PBX1: variants seen among roughly 807,000 people sequenced by gnomAD.
The protein encoded by PBX1 is pre-B-cell leukemia transcription factor 1.
PBX1 carries 6 observed loss-of-function variants against 53.4 expected under a neutral mutation model. The observed-to-expected ratio is 0.11, with a 90% CI of 0.06 to 0.22. The LOEUF is 0.22. PBX1 is among the 10% of genes least tolerant of loss of function. The pLI is 1.00. For synonymous variants in PBX1, 204 were observed against 212.3 expected, an observed-to-expected ratio of 0.96 and a Z score of 0.34; for missense variants, 251 against 551.4, an observed-to-expected ratio of 0.46 and a Z score of 5.46.
At chr1:164,732,876 A>G (rs1665073871) in intron 2 of PBX1, among the ~76,000 whole-genome samples, 1 of 150,938 alleles carries the variant, frequency 6.6e-6, no homozygotes, top group African/African-American at 2.4e-5. Flanking sequence ...TGTCGTCTGA[A>G]TTCTCAAAGA....
At chr1:164,612,229 A>G (rs1414461948) in intron 2 of PBX1, among the ~76,000 whole-genome samples, 1 of 152,050 alleles carries the variant, frequency 6.6e-6, no homozygotes, top group Non-Finnish European at 1.5e-5. Flanking sequence ...CAGCCAACCT[A>G]TCATTGTTGA....
At chr1:164,811,414 C>G (rs1008623590) in intron 5 of PBX1, among the ~76,000 whole-genome samples, 5 of 152,188 alleles carry the variant, frequency 3.3e-5, no homozygotes, top group African/African-American at 1.2e-4. Context: ...GTAGATAACA[C>G]TAAGCTTTAC....
intron 2 of PBX1, among the ~76,000 whole-genome samples, chr1:164,870,223 T>C (rs1160247465): frequency 6.6e-5 from 2 of 30,482 alleles, no homozygotes; most frequent in Non-Finnish European, 1.4e-4. Flanking sequence ...CTTTCTTTCC[T>C]TCCTTCCTTC....
intron 2 of PBX1, among the ~76,000 whole-genome samples, chr1:164,596,222 T>C: frequency 6.6e-6 from 1 of 152,120 alleles, no homozygotes; most frequent in Non-Finnish European, 1.5e-5. Context: ...TCAAGTGCAT[T>C]AGGGTCTCAC....
chr1:164,614,110 G>A (rs914001426), intron 2 of PBX1, among the ~76,000 whole-genome samples: 2 of 152,134 alleles, frequency 1.3e-5, no homozygotes, highest in African/African-American at 4.8e-5. Flanking sequence ...AGAATCACTC[G>A]GGAGGCAAAG....
intron 2 of PBX1, among the ~76,000 whole-genome samples, chr1:164,639,989 A>G (rs1170660117): frequency 6.6e-6 from 1 of 152,104 alleles, no homozygotes; most frequent in Non-Finnish European, 1.5e-5. Context: ...AAAAAAAGAA[A>G]TCCTATGGCC....
At chr1:164,580,217 C>T (rs1352905697) in intron 2 of PBX1, among the ~76,000 whole-genome samples, 2 of 152,154 alleles carry the variant, frequency 1.3e-5, no homozygotes, top group Non-Finnish European at 2.9e-5. Flanking sequence ...GTTCAAAACT[C>T]GCCTTGAGCT....
intron 2 of PBX1, among the ~76,000 whole-genome samples, chr1:164,758,504 G>T (rs1018888823): frequency 2.6e-5 from 4 of 152,094 alleles, no homozygotes; most frequent in Non-Finnish European, 4.4e-5. Flanking sequence ...CTGCCTAATG[G>T]TCCCCAGCAG....
At chr1:164,610,825 C>A (rs1200411520) in intron 2 of PBX1, among the ~76,000 whole-genome samples, 1 of 152,206 alleles carries the variant, frequency 6.6e-6, no homozygotes, top group African/African-American at 2.4e-5. Context: ...TCCTTAAAAT[C>A]TGAGCTGGGA....
intron 2 of PBX1, among the ~76,000 whole-genome samples, chr1:164,791,288 C>A (rs185128625): frequency 4.6e-5 from 7 of 152,252 alleles, no homozygotes; most frequent in Admixed American, 2.0e-4. Flanking sequence ...CTCCTTCAGT[C>A]CAAATCACCA....
intron 3 of PBX1, 105 bp from the exon 4 acceptor site, chr1:164,799,594 A>G (rs1668967412): frequency 2.0e-6 from 2 of 984,860 alleles, no homozygotes; most frequent in Non-Finnish European, 2.9e-6. Context: ...AGTTTTCTTT[A>G]TTTGCACAAG....
At chr1:164,626,031 C>A in intron 2 of PBX1, 1 of 1,041,722 alleles carries the variant, frequency 9.6e-7, no homozygotes, top group Non-Finnish European at 1.2e-6. Flanking sequence ...GCTTCTACCT[C>A]CGGGAACCCC....
chr1:164,670,839 GA>G (rs1260927689), intron 2 of PBX1, among the ~76,000 whole-genome samples: 1 of 152,212 alleles, frequency 6.6e-6, no homozygotes, highest in African/African-American at 2.4e-5. Flanking sequence ...GGGAGGATCA[GA>G]AGGGGTGTTT....
chr1:164,724,670 ATTTTTTTTTTT>A lies in PBX1; in HGVS notation c.266-67795_266-67785del, dbSNP rs59042806. Among the ~76,000 whole-genome samples the A allele has an allele frequency of 6.7e-3, 322 of 48,090 alleles. 1 individual carries two copies. Among genetic ancestry groups the A allele is most frequent in the African/African-American group, 8.6e-3 (130 of 15,122 alleles). The allele number at this position is 48,090 out of a possible 152,430, so 31.5% of individuals were successfully genotyped here. On this transcript the variant is annotated intron_variant, in intron 2 of 8. Coordinates refer to ENST00000420696, the MANE Select transcript of PBX1 (RefSeq NM_002585.4). ...CAGATGCCCATTGCAATAGCTGCAGATTTTTTTTTTTTTTTTTTTTTTTTTTTTTTTTTTTT... is the reference window on the plus strand; with the variant it reads ...CAGATGCCCATTGCAATAGCTGCAGATTTTTTTTTTTTTTTTTTTTTTTTT...
intron 2 of PBX1, among the ~76,000 whole-genome samples, chr1:164,755,568 T>G (rs1308932858): frequency 6.6e-6 from 1 of 152,206 alleles, no homozygotes; most frequent in Non-Finnish European, 1.5e-5. Context: ...TGCAGCATTT[T>G]TTTTTTAAAG....
At chr1:164,610,853 G>A (rs1446435229) in intron 2 of PBX1, among the ~76,000 whole-genome samples, 1 of 152,220 alleles carries the variant, frequency 6.6e-6, no homozygotes, top group African/African-American at 2.4e-5. Context: ...AAGAATGAAA[G>A]GAGAAAATCA....
chr1:164,761,946 G>T (rs1182432564), intron 2 of PBX1, among the ~76,000 whole-genome samples: 1 of 152,050 alleles, frequency 6.6e-6, no homozygotes, highest in Admixed American at 6.5e-5. Flanking sequence ...GTCAAAGAAG[G>T]GGGGATGAAC....
intron 2 of PBX1, among the ~76,000 whole-genome samples, chr1:164,722,620 TCTCTCTTCCC>T (rs771727753): frequency 7.2e-5 from 11 of 152,300 alleles, no homozygotes; most frequent in Non-Finnish European, 1.5e-4. Context: ...CCTCTCCTCC[TCTCTCTTCCC>T]CTCCTCTTCC....
chr1:164,793,787 T>C (rs1455160219), intron 3 of PBX1, among the ~76,000 whole-genome samples: 1 of 151,856 alleles, frequency 6.6e-6, no homozygotes, highest in Non-Finnish European at 1.5e-5. Context: ...ATTGAATCAT[T>C]AGCTTTTCTT....
Sources: gnomAD v4.1 joint callset for allele counts (sites outside exome capture counted in the v4.1 genomes callset) on GRCh38, gnomAD v4.1.1 for gene constraint, MANE v1.5 for transcripts, NCBI Gene and HGNC (gene_info 2026-07-23, HGNC 2026-07-21) for gene names.